PDXP: variants seen among roughly 807,000 people sequenced by gnomAD.
PDXP encodes pyridoxal phosphatase.
Under a neutral mutation model 14.4 loss-of-function variants are expected in PDXP, and 15 were observed. The observed-to-expected ratio is 1.04, with a 90% confidence interval of 0.70 to 1.60. The LOEUF is 1.60. Among genes scored for constraint, PDXP ranks in the 40% most tolerant of loss-of-function variants. The pLI is 0.00. For synonymous variants in PDXP, 233 were observed against 205.6 expected (o/e 1.13, Z -1.14); for missense variants, 413 against 427.6 (o/e 0.97, Z 0.30).
intron 1 of PDXP, among the ~76,000 whole-genome samples, chr22:37,662,731 T>C (rs748078098): frequency 6.6e-6 from 1 of 152,232 alleles, no homozygotes; most frequent in Non-Finnish European, 1.5e-5. Flanking sequence ...CGCATGCCTG[T>C]AATCCCAGCA....
chr22:37,662,501 G>A (rs919988587), intron 1 of PDXP, among the ~76,000 whole-genome samples: 2 of 152,134 alleles, frequency 1.3e-5, no homozygotes, highest in African/African-American at 4.8e-5. Flanking sequence ...CAGTACAGCC[G>A]ATCTTGAGCT....
chr22:37,665,350 A>C (rs1921033990), intron 1 of PDXP, among the ~76,000 whole-genome samples: 1 of 152,124 alleles, frequency 6.6e-6, no homozygotes, highest in South Asian at 2.1e-4. Context: ...TAGCCTGCCA[A>C]GAACGGTGGA....
chr22:37,663,303 C>CAA (rs556575793), intron 1 of PDXP, among the ~76,000 whole-genome samples: 2,177 of 110,670 alleles, frequency 0.02, 81 homozygotes, highest in African/African-American at 0.063. Context: ...GACTCCGTCT[C>CAA]AAAAAAAAAA....
Position 37,658,757 on chromosome 22 carries a change from C to A in PDXP, c.-26C>A. ...CCGTGCCCGCGGAGAGAGCGCGGCG[C>A]GGGAGGCCGGCGGCCGGCCGGCTGC... On this transcript the variant is annotated 5_prime_UTR_variant, in exon 1 of 2. Coordinates refer to ENST00000215904, the MANE Select transcript of PDXP (RefSeq NM_020315.5). 3.5e-6 allele frequency: 4 copies of A among 1,146,022 alleles called. No homozygotes were observed. The highest frequency in any genetic ancestry group is 4.3e-6 in the Non-Finnish European group (4 of 931,140). 71.0% of individuals were successfully genotyped at this position (1,146,022 alleles called of 1,614,324 possible).
intron 1 of PDXP, among the ~76,000 whole-genome samples, chr22:37,664,695 C>T (rs1921007100): frequency 6.6e-6 from 1 of 152,208 alleles, no homozygotes; most frequent in Non-Finnish European, 1.5e-5. Context: ...GCCGAATGTT[C>T]TGGCACAAAG....
intron 1 of PDXP, chr22:37,665,092 G>A (rs1200458092): frequency 4.2e-5 from 8 of 189,620 alleles, no homozygotes; most frequent in Non-Finnish European, 1.1e-5. Context: ...GTTGCCCAGC[G>A]CCCGTTTGGA....
At chr22:37,660,924 T>C (rs1933190155) in intron 1 of PDXP, among the ~76,000 whole-genome samples, 1 of 152,130 alleles carries the variant, frequency 6.6e-6, no homozygotes, top group South Asian at 2.1e-4. Context: ...CTGGCTGTGC[T>C]GCACACCTGC....
In PDXP at chr22:37,666,920, G is replaced by A. The variant is rs1191525836; in HGVS notation, c.*1049G>A. 8 of 167,086 alleles carry A rather than the reference G, an allele frequency of 4.8e-5. No homozygotes were observed. The highest frequency in any genetic ancestry group is 7.3e-5 in the Non-Finnish European group (5 of 68,168). The allele number at this position is 167,086 out of a possible 1,614,324, so 10.4% of individuals were successfully genotyped here. ...TGTCCTTCCGTACTTAATAAAGTGCGCGTGGGAGTGTTCACCTGTGTTTGA... is the reference window on the plus strand; with the variant it reads ...TGTCCTTCCGTACTTAATAAAGTGCACGTGGGAGTGTTCACCTGTGTTTGA... On this transcript the variant is annotated 3_prime_UTR_variant, in exon 2 of 2. Coordinates refer to ENST00000215904, the MANE Select transcript of PDXP (RefSeq NM_020315.5).
Position 37,666,048 on chromosome 22 carries a change from C to A in PDXP, c.*177C>A. On this transcript the variant is annotated 3_prime_UTR_variant, in exon 2 of 2. Transcript: ENST00000215904. ...CCTTGCAACCCCCTCCCAGCAGTGGCTGGGCACTCTTTGCTGCCCCAGAAG... is the reference window on the plus strand; with the variant it reads ...CCTTGCAACCCCCTCCCAGCAGTGGATGGGCACTCTTTGCTGCCCCAGAAG... 1 of 655,496 alleles carries A rather than the reference C, an allele frequency of 1.5e-6. No homozygotes were observed. Among genetic ancestry groups the A allele is most frequent in the Non-Finnish European group, 2.7e-6 (1 of 373,906 alleles). 40.6% of individuals were successfully genotyped at this position (655,496 alleles called of 1,614,324 possible). A position where few individuals can be genotyped will look rare whatever the true frequency, so the allele number is the denominator to read the frequency against.
intron 1 of PDXP, among the ~76,000 whole-genome samples, chr22:37,661,193 G>T (rs1312712622): frequency 1.3e-5 from 2 of 152,148 alleles, no homozygotes; most frequent in African/African-American, 4.8e-5. Context: ...GTGGAATCCA[G>T]ACCCCTTTGG....
At position 37,665,671 on chromosome 22, in the gene PDXP, G is replaced by C; in HGVS notation, c.691G>C (p.Ala231Pro). ...CITENFSIDP[A>P]RTLMVGDRLE... is the part of the protein sequence containing the mutation. ...CACGGAGAACTTCAGCATCGACCCC[G>C]CACGCACGCTTATGGTGGGTGACCG... Residue 231 changes from alanine to proline, a missense_variant, in exon 2 of 2, where the codon GCA becomes CCA. Ala to Pro is a conservative substitution (Grantham distance 27, BLOSUM62 -1). Transcript: ENST00000215904. The C allele has an allele frequency of 3.1e-6, 5 of 1,614,074 alleles. No homozygotes were observed. Among genetic ancestry groups the C allele is most frequent in the Non-Finnish European group, 4.2e-6 (5 of 1,180,022 alleles).
chr22:37,659,139 C>T lies in PDXP; in HGVS notation c.357C>T (p.Arg119=). ...TCGTGCTGGGCGGCGAGGGGCTGCG[C>T]GCCGAGCTGCGCGCCGCGGGGCTGC... ...AVFVLGGEGL[R]AELRAAGLRL... is the part of the protein sequence containing the mutation. The change falls in exon 1 of 2, where the codon CGC becomes CGT. Residue 119 remains arginine (R), a synonymous_variant. Coordinates refer to ENST00000215904, the MANE Select transcript of PDXP (RefSeq NM_020315.5). The T allele has an allele frequency of 2.9e-6, 3 of 1,018,994 alleles. No homozygotes were observed. The highest frequency in any genetic ancestry group is 4.8e-4 in the Middle Eastern group (1 of 2,104). 63.1% of individuals were successfully genotyped at this position (1,018,994 alleles called of 1,614,324 possible).
In PDXP at chr22:37,662,951, GCACTCCAGC is replaced by G. The variant is rs1933233076; in HGVS notation, c.575-2602_575-2594del. ...TGCTGTGAGCTGAGATCGCTCCATT[GCACTCCAGC>G]CTGGGTGACAGAGCGAGACTCCATC... On this transcript the variant is annotated intron_variant, in intron 1 of 1. Transcript: ENST00000215904. 2.0e-5 allele frequency among the ~76,000 whole-genome samples: 3 copies of G among 151,740 alleles called. 1 individual carries two copies. The South Asian group carries it at 6.2e-4, about 32-fold the overall frequency.
intron 1 of PDXP, among the ~76,000 whole-genome samples, chr22:37,662,100 C>G (rs1933219175): frequency 6.6e-6 from 1 of 151,686 alleles, no homozygotes; most frequent in Non-Finnish European, 1.5e-5. Flanking sequence ...CACCACCACA[C>G]GCAGCTAATT....
At position 37,665,616 on chromosome 22, in the gene PDXP, C is replaced by G; in HGVS notation, c.636C>G (p.Gly212=). The part of the protein sequence containing the change: ...TASGRQALVV[G]KPSPYMFECI... ...CGGGACGCCAGGCCCTGGTGGTGGGCAAGCCCAGCCCCTACATGTTCGAGT... is the reference window on the plus strand; with the variant it reads ...CGGGACGCCAGGCCCTGGTGGTGGGGAAGCCCAGCCCCTACATGTTCGAGT... The change falls in exon 2 of 2, where the codon GGC becomes GGG. Residue 212 remains glycine, a synonymous_variant. Transcript: ENST00000215904. 1 of 1,613,626 alleles carries G rather than the reference C, an allele frequency of 6.2e-7. No homozygotes were observed. Among genetic ancestry groups the G allele is most frequent in the Non-Finnish European group, 8.5e-7 (1 of 1,179,972 alleles).
At chr22:37,662,843 C>A (rs942611705) in intron 1 of PDXP, among the ~76,000 whole-genome samples, 1 of 151,468 alleles carries the variant, frequency 6.6e-6, no homozygotes, top group Non-Finnish European at 1.5e-5. Context: ...CAAAAATAAG[C>A]TGGGTGTGGT....
chr22:37,665,954 A>C lies in PDXP; in HGVS notation c.*83A>C, dbSNP rs1921068080. 2 of 1,383,644 alleles carry C rather than the reference A, an allele frequency of 1.4e-6. No homozygotes were observed. Among genetic ancestry groups the C allele is most frequent in the Non-Finnish European group, 2.0e-6 (2 of 1,002,440 alleles). The allele number at this position is 1,383,644 out of a possible 1,614,324, so 85.7% of individuals were successfully genotyped here. A position where few individuals can be genotyped will look rare whatever the true frequency, so the allele number is the denominator to read the frequency against. ...GAGGCGATGGGTCACGAGCCATGTT[A>C]AGCACAACCGGCTCCTTGGTCCAGT... On this transcript the variant is annotated 3_prime_UTR_variant, in exon 2 of 2. Coordinates refer to ENST00000215904, the MANE Select transcript of PDXP (RefSeq NM_020315.5).
chr22:37,665,250 C>T, intron 1 of PDXP: 1 of 460,634 alleles, frequency 2.2e-6, no homozygotes, highest in Non-Finnish European at 3.9e-6. Flanking sequence ...CCTGCAGTAG[C>T]TCCACGCATC....
rs528820627 is a variant in PDXP, at chr22:37,665,870, G to A, written c.890G>A (p.Ter297=). ...IADLTEGLED[*] ...GACTTGACAGAGGGGTTGGAGGACT[G>A]AGCCCACTGCACCTGCAGCCACAGG... The change falls in exon 2 of 2, where the codon TGA becomes TAA. Residue 297 remains the stop codon, a stop_retained_variant. Coordinates refer to ENST00000215904, the MANE Select transcript of PDXP (RefSeq NM_020315.5). 8 of 1,610,582 alleles carry A rather than the reference G, an allele frequency of 5.0e-6. No homozygotes were observed. The African/African-American group carries it at 9.3e-5, about 19-fold the overall frequency.
Sources: allele counts gnomAD v4.1 joint callset (sites outside exome capture counted in the v4.1 genomes callset), GRCh38; gene constraint gnomAD v4.1.1; transcripts MANE v1.5; gene names NCBI Gene and HGNC (gene_info 2026-07-23, HGNC 2026-07-21).